MCC: variants seen among roughly 807,000 people sequenced by gnomAD.
The protein encoded by MCC is colorectal mutant cancer protein.
Under a neutral mutation model 116.2 loss-of-function variants are expected in MCC, and 90 were observed. The observed-to-expected ratio is 0.77, with a 90% CI of 0.65 to 0.92. MCC has a LOEUF of 0.92. MCC is among the 40% of genes least tolerant of loss of function. The probability of loss-of-function intolerance (pLI) is 0.00; values close to 1 mark genes in which losing one functional copy is unlikely to be tolerated. For synonymous variants in MCC, 578 were observed against 510.5 expected, an observed-to-expected ratio of 1.13 and a Z score of -1.78; for missense variants, 1,516 against 1,312.2, an observed-to-expected ratio of 1.16 and a Z score of -2.40.
At chr5:113,053,317 G>A (rs1449712449) in intron 15 of MCC, among the ~76,000 whole-genome samples, 3 of 152,112 alleles carry the variant, frequency 2.0e-5, no homozygotes, top group Admixed American at 6.6e-5. Context: ...TAGGGCTCTC[G>A]GCCAAACTCT....
chr5:113,404,008 A>G lies in MCC; in HGVS notation c.171-18796T>C, dbSNP rs141139137. Among the ~76,000 whole-genome samples, 172 of 152,280 alleles carry G rather than the reference A, an allele frequency of 1.1e-3. 1 individual carries two copies. The highest frequency in any genetic ancestry group is 3.6e-3 in the African/African-American group (151 of 41,554). ...CAGCCTCCTGAGTAGCTGGGATTAC[A>G]GGCACGGGTCATCATGCCCAGCTAA... On this transcript the variant is annotated intron_variant, in intron 1 of 18. Coordinates refer to ENST00000408903, the MANE Select transcript of MCC (RefSeq NM_001085377.2).
chr5:113,059,884 G>T (rs542067145), intron 14 of MCC, among the ~76,000 whole-genome samples: 78 of 152,282 alleles, frequency 5.1e-4, no homozygotes, highest in Middle Eastern at 3.4e-3. Context: ...AGGAGAAGCT[G>T]TTCAAACCAG....
In MCC at chr5:113,064,096, T is replaced by A; in HGVS notation, c.2101A>T (p.Asn701Tyr). Residue 701 changes from asparagine (N) to tyrosine (Y), a missense_variant, in exon 14 of 19, where the codon AAC (asparagine) becomes TAC (tyrosine). Coordinates refer to ENST00000408903, the MANE Select transcript of MCC (RefSeq NM_001085377.2). ...TTCATGAGCAGGGCCTTGGCAGCGT[T>A]CTCAGCTGTCTTCCGGCAGTCATGA... ...RAHDCRKTAE[N>Y]AAKALLMKLD... 6.2e-7 allele frequency: 1 copy of A among 1,614,206 alleles called. No individual in the cohort carries two copies. Among genetic ancestry groups the A allele is most frequent in the Non-Finnish European group, 8.5e-7 (1 of 1,180,012 alleles).
intron 2 of MCC, among the ~76,000 whole-genome samples, chr5:113,366,514 C>G (rs569760431): frequency 1.3e-5 from 2 of 152,096 alleles, no homozygotes; most frequent in African/African-American, 2.4e-5. Context: ...TTCTGTTCAA[C>G]CTAAGCCAGA....
At chr5:113,293,799 C>T (rs76192977) in intron 3 of MCC, among the ~76,000 whole-genome samples, 2,065 of 152,220 alleles carry the variant, frequency 0.014, 57 homozygotes, top group African/African-American at 0.047. Context: ...CCCCAGACCC[C>T]TCCCCAGCGC....
intron 3 of MCC, among the ~76,000 whole-genome samples, chr5:113,292,288 C>T (rs1766528027): frequency 6.6e-6 from 1 of 151,934 alleles, no homozygotes; most frequent in Non-Finnish European, 1.5e-5. Context: ...AAATAACTAC[C>T]ATTCAACCTG....
intron 3 of MCC, among the ~76,000 whole-genome samples, chr5:113,188,861 C>G (rs1362702173): frequency 6.6e-6 from 1 of 152,150 alleles, no homozygotes; most frequent in African/African-American, 2.4e-5. Flanking sequence ...TAGATAAACT[C>G]TAAGCTTATC....
At chr5:113,455,449 A>G (rs1183237474) in intron 1 of MCC, among the ~76,000 whole-genome samples, 1 of 152,226 alleles carries the variant, frequency 6.6e-6, no homozygotes, top group Non-Finnish European at 1.5e-5. Context: ...TATTCAGTGA[A>G]TAAGGTCACG....
At chr5:113,327,285 G>A (rs1383190387) in intron 3 of MCC, among the ~76,000 whole-genome samples, 3 of 152,080 alleles carry the variant, frequency 2.0e-5, no homozygotes, top group Non-Finnish European at 4.4e-5. Flanking sequence ...AGTGGCTCAC[G>A]TCTGTAATCC....
chr5:113,448,833 T>G (rs950091864), intron 1 of MCC, among the ~76,000 whole-genome samples: 2 of 152,208 alleles, frequency 1.3e-5, no homozygotes, highest in African/African-American at 4.8e-5. Context: ...ATTCAAGACA[T>G]CTCCAGGACA....
intron 1 of MCC, among the ~76,000 whole-genome samples, chr5:113,429,041 C>G (rs1770554314): frequency 6.6e-6 from 1 of 152,148 alleles, no homozygotes; most frequent in Non-Finnish European, 1.5e-5. Flanking sequence ...ATCCCATTAT[C>G]CATTAGCTCT....
At chr5:113,153,460 G>A (rs953710019) in intron 3 of MCC, among the ~76,000 whole-genome samples, 1 of 152,186 alleles carries the variant, frequency 6.6e-6, no homozygotes, top group Non-Finnish European at 1.5e-5. Context: ...TATCATGGGG[G>A]AGAGCACCGG....
intron 1 of MCC, chr5:113,428,553 A>G (rs1336586759): frequency 6.6e-6 from 1 of 152,230 alleles, no homozygotes; most frequent in Non-Finnish European, 1.5e-5. Flanking sequence ...CTGAAGGACA[A>G]TCTTATTTCC....
intron 1 of MCC, among the ~76,000 whole-genome samples, chr5:113,483,881 G>C (rs569407585): frequency 5.9e-5 from 9 of 151,952 alleles, no homozygotes; most frequent in Non-Finnish European, 1.2e-4. Flanking sequence ...AAACTAGATC[G>C]CGTCCTTTGC....
rs147316534 is a variant in MCC, at chr5:113,023,206, T to A, written c.*4096A>T. 4 of 152,356 alleles carry A rather than the reference T, an allele frequency of 2.6e-5. No individual in the cohort carries two copies. In the South Asian group the frequency reaches 8.3e-4, roughly 32 times the overall value. 9.4% of individuals were successfully genotyped at this position (152,356 alleles called of 1,614,324 possible). On this transcript the variant is annotated 3_prime_UTR_variant, in exon 19 of 19. Coordinates refer to ENST00000408903, the MANE Select transcript of MCC (RefSeq NM_001085377.2). ...TTCTGAAGGCCACAAGTTTGGAGCT[T>A]ACTTTAACCTGACCTACATGAACAT...
chr5:113,294,507 T>C, intron 3 of MCC: 2 of 1,553,224 alleles, frequency 1.3e-6, no homozygotes, highest in Non-Finnish European at 1.7e-6. Context: ...ACAGCCATTT[T>C]CACCCAGGAC....
intron 3 of MCC, among the ~76,000 whole-genome samples, chr5:113,248,832 C>CTTT (rs1269527611): frequency 7.2e-6 from 1 of 138,200 alleles, no homozygotes; most frequent in Non-Finnish European, 1.6e-5. Flanking sequence ...TCTCTCTCTT[C>CTTT]TTTTTTTTTT....
At chr5:113,162,905 T>C (rs1760570578) in intron 3 of MCC, among the ~76,000 whole-genome samples, 2 of 152,186 alleles carry the variant, frequency 1.3e-5, no homozygotes, top group Admixed American at 6.5e-5. Context: ...TACTATCCTA[T>C]CTCATTTTCA....
chr5:113,204,258 A>G (rs1867324), intron 3 of MCC, among the ~76,000 whole-genome samples: 76,733 of 152,102 alleles, frequency 0.5, 23,373 homozygotes, highest in East Asian at 0.71. Context: ...CTAGCACTAA[A>G]TGTGAAGTAA....
Sources: gnomAD v4.1 joint callset for allele counts (sites outside exome capture counted in the v4.1 genomes callset) on GRCh38, gnomAD v4.1.1 for gene constraint, MANE v1.5 for transcripts, NCBI Gene and HGNC (gene_info 2026-07-23, HGNC 2026-07-21) for gene names.